Variants in KIF16B observed in about 807,000 individuals in gnomAD.
KIF16B encodes kinesin family member 16B.
A neutral mutation model predicts 156.3 loss-of-function variants in KIF16B; 98 were observed. The ratio of observed to expected loss-of-function variants is 0.63; its 90% CI spans 0.53 to 0.74. The LOEUF is 0.74. Ranked by LOEUF, KIF16B falls within the 30% of genes least tolerant of loss-of-function variation. KIF16B has a pLI of 0.00. For missense variants in KIF16B, 1,421 were observed against 1,606.5 expected (o/e 0.88, Z 1.97); for synonymous variants, 564 against 583.7 (o/e 0.97, Z 0.49).
intron 7 of KIF16B, 77 bp downstream of exon 7, chr20:16,507,881 G>T: frequency 6.8e-7 from 1 of 1,477,394 alleles, no homozygotes; most frequent in South Asian, 1.2e-5. Flanking sequence ...GTTCAACAAT[G>T]ATCAGTCCTC....
intron 12 of KIF16B, among the ~76,000 whole-genome samples, chr20:16,473,782 G>A (rs971465220): frequency 3.3e-5 from 5 of 152,180 alleles, no homozygotes; most frequent in Admixed American, 6.5e-5. Context: ...TGAGAGAAAC[G>A]AATAAGAAAT....
rs751948015 is a variant in KIF16B, at chr20:16,515,653, G to C, written c.243C>G (p.Thr81=). 1 of 1,607,790 alleles carries C rather than the reference G, an allele frequency of 6.2e-7. No homozygotes were observed. Residue 81 remains threonine, a synonymous_variant, in exon 4 of 26, where the codon ACC becomes ACG. Transcript: ENST00000354981. The part of the protein sequence containing the change: ...DYVSQEMVFK[T]LGTDVVKSAF... ...CAGACTTCACGACATCTGTGCCGAGGGTTTTGAAAACCTGAAAGCCAAAAA... is the reference window on the plus strand; with the variant it reads ...CAGACTTCACGACATCTGTGCCGAGCGTTTTGAAAACCTGAAAGCCAAAAA...
At chr20:16,528,531 C>A (rs190621919) in intron 1 of KIF16B, 91 bp from the exon 2 acceptor site, 2 of 950,476 alleles carry the variant, frequency 2.1e-6, no homozygotes, top group Non-Finnish European at 3.3e-6. Flanking sequence ...TTACTTTTTA[C>A]GTTAGGAGTT....
At chr20:16,316,300 T>C (rs1397663801) in intron 24 of KIF16B, among the ~76,000 whole-genome samples, 5 of 152,150 alleles carry the variant, frequency 3.3e-5, no homozygotes, top group African/African-American at 1.2e-4. Flanking sequence ...GCCAATCCAT[T>C]TCAAAAGAAT....
intron 24 of KIF16B, among the ~76,000 whole-genome samples, chr20:16,316,241 C>A (rs1464585242): frequency 2.0e-5 from 3 of 152,044 alleles, no homozygotes; most frequent in African/African-American, 4.8e-5. Flanking sequence ...GCTGCGTTAT[C>A]TGCCAAGTAA....
intron 3 of KIF16B, among the ~76,000 whole-genome samples, chr20:16,524,556 G>A (rs1180283558): frequency 3.9e-5 from 6 of 152,180 alleles, no homozygotes; most frequent in Admixed American, 2.0e-4. Flanking sequence ...GGAGAAATAG[G>A]AACGCTTTTA....
chr20:16,545,754 C>G (rs1046933779), intron 1 of KIF16B, among the ~76,000 whole-genome samples: 4 of 152,142 alleles, frequency 2.6e-5, no homozygotes, highest in African/African-American at 9.7e-5. Context: ...GACATTAAAT[C>G]GACTATTCAA....
At chr20:16,521,388 G>C (rs1001916543) in intron 3 of KIF16B, among the ~76,000 whole-genome samples, 2 of 151,838 alleles carry the variant, frequency 1.3e-5, no homozygotes, top group Non-Finnish European at 2.9e-5. Context: ...GGTATTAATA[G>C]CTGAGTAGAC....
chr20:16,430,590 T>C (rs1193967855), intron 12 of KIF16B, among the ~76,000 whole-genome samples: 1 of 152,136 alleles, frequency 6.6e-6, no homozygotes, highest in Non-Finnish European at 1.5e-5. Flanking sequence ...TAGAGAAAAC[T>C]ACCTCCAAAA....
chr20:16,545,944 G>C (rs2147259680), intron 1 of KIF16B, among the ~76,000 whole-genome samples: 1 of 151,922 alleles, frequency 6.6e-6, no homozygotes, highest in South Asian at 2.1e-4. Context: ...AAATGGAGTT[G>C]ATTCCTTTTG....
At chr20:16,463,823 C>T (rs1403595538) in intron 12 of KIF16B, among the ~76,000 whole-genome samples, 1 of 152,096 alleles carries the variant, frequency 6.6e-6, no homozygotes, top group Non-Finnish European at 1.5e-5. Context: ...AAAGGAGGAC[C>T]AAATCTCAAG....
At chr20:16,476,948 C>A (rs2146804571) in intron 12 of KIF16B, among the ~76,000 whole-genome samples, 1 of 152,052 alleles carries the variant, frequency 6.6e-6, no homozygotes, top group African/African-American at 2.4e-5. Flanking sequence ...GGGGTTTCAC[C>A]ATGTTGGCTA....
chr20:16,479,066 T>C (rs982684090), intron 12 of KIF16B, among the ~76,000 whole-genome samples: 2 of 152,198 alleles, frequency 1.3e-5, no homozygotes, highest in African/African-American at 4.8e-5. Flanking sequence ...GAATAAACTA[T>C]GGTATAGCCA....
intron 19 of KIF16B, among the ~76,000 whole-genome samples, chr20:16,375,090 TAA>T (rs2123357770): frequency 6.6e-6 from 1 of 152,334 alleles, no homozygotes; most frequent in Admixed American, 6.5e-5. Flanking sequence ...CCTCCAGTGA[TAA>T]GTGATACATC....
intron 25 of KIF16B, among the ~76,000 whole-genome samples, chr20:16,293,653 G>C (rs573705196): frequency 6.6e-6 from 1 of 152,182 alleles, no homozygotes; most frequent in Non-Finnish European, 1.5e-5. Flanking sequence ...CAATTGTGGG[G>C]TGGAAGGGAG....
chr20:16,380,147 T>C lies in KIF16B; in HGVS notation c.1855A>G (p.Met619Val). Reference protein sequence around the residue: ...LESKRKLIEEMEEKQKSDKAE... With the variant: ...LESKRKLIEEVEEKQKSDKAE... ...TTGTCTGATTTCTGCTTTTCCTCCA[T>C]TTCTTCTATGAGTTTCCTGAAATGC... The change falls in exon 19 of 26, where the codon ATG becomes GTG. Residue 619 changes from methionine to valine, a missense_variant. By Grantham distance (21) the Met-to-Val change is conservative. Transcript: ENST00000354981. The C allele has an allele frequency of 6.6e-7, 1 of 1,512,140 alleles. No homozygotes were observed. The highest frequency in any genetic ancestry group is 8.8e-7 in the Non-Finnish European group (1 of 1,134,306). 93.7% of individuals were successfully genotyped at this position (1,512,140 alleles called of 1,614,324 possible).
rs532609959 is a variant in KIF16B at position 16,338,682 on chromosome 20, C to T, written c.3622-2667G>A. Among the ~76,000 whole-genome samples the T allele has an allele frequency of 3.9e-5, 6 of 152,256 alleles. No individual in the cohort carries two copies. The South Asian group carries it at 1.2e-3, about 32-fold the overall frequency. ...GTTAAAACCAACTGTCTGCTCACTC[C>T]CTGCCTGCACCTGCCCAGCAGAATG... On this transcript the variant is annotated intron_variant, in intron 23 of 25. Transcript: ENST00000354981.
At chr20:16,344,656 C>A (rs2064199202) in intron 23 of KIF16B, among the ~76,000 whole-genome samples, 1 of 152,178 alleles carries the variant, frequency 6.6e-6, no homozygotes, top group Admixed American at 6.5e-5. Flanking sequence ...TGCTGTCCTG[C>A]ACGCTGAAGA....
chr20:16,505,763 T>C lies in KIF16B; in HGVS notation c.959A>G (p.Lys320Arg), dbSNP rs894966505. ...YRDSVLTWLL[K>R]DSLGGNSKTI... is the part of the protein sequence containing the mutation. ...TTTAGAGTTTCCTCCAAGGCTATCT[T>C]TTAACAACCAAGTCAACACAGAATC... is the stretch of plus-strand genomic sequence containing the variant. Residue 320 changes from lysine (K) to arginine (R), a missense_variant, in exon 9 of 26, where the codon AAA becomes AGA. Transcript: ENST00000354981. 1 of 1,613,938 alleles carries C rather than the reference T, an allele frequency of 6.2e-7. No homozygotes were observed. The highest frequency in any genetic ancestry group is 1.7e-5 in the Admixed American group (1 of 60,016).
Sources: allele counts gnomAD v4.1 joint callset (sites outside exome capture counted in the v4.1 genomes callset), GRCh38; gene constraint gnomAD v4.1.1; transcripts MANE v1.5; gene names NCBI Gene and HGNC (gene_info 2026-07-23, HGNC 2026-07-21).